RIPOR1: variants seen among roughly 807,000 people sequenced by gnomAD.
RIPOR1 encodes rho family-interacting cell polarization regulator 1.
A neutral mutation model predicts 116.5 loss-of-function variants in RIPOR1; 58 were observed. The observed-to-expected ratio is 0.50, with a 90% CI of 0.40 to 0.62. The LOEUF (loss-of-function observed/expected upper bound fraction) is 0.62, where lower values mean the gene tolerates loss of function less well. RIPOR1 is among the 20% of genes least tolerant of loss of function. The pLI is 0.00. For synonymous variants in RIPOR1, 605 were observed against 650.0 expected (o/e 0.93, Z 1.05); for missense variants, 1,372 against 1,586.2 (o/e 0.86, Z 2.29).
rs2050843792 is a variant in RIPOR1, at chr16:67,537,931, C to A, written c.-23-493C>A. The A allele has an allele frequency of 3.7e-6, 1 of 268,848 alleles. No homozygotes were observed. Among genetic ancestry groups the A allele is most frequent in the African/African-American group, 2.2e-5 (1 of 45,224 alleles). The allele number at this position is 268,848 out of a possible 1,614,324, so 16.7% of individuals were successfully genotyped here. On this transcript the variant is annotated intron_variant, in intron 1 of 21. Coordinates refer to ENST00000042381, the MANE Select transcript of RIPOR1 (RefSeq NM_024519.4). This position sits in a 1 kb window ranked among gnomAD's most constrained non-coding sequence, Gnocchi z 4.6. ...GGGCGACAAACCCGCACCGGCTGGGCCTGTCGGGCAGCTCCGCAGGGCTCC... is the reference window on the plus strand; with the variant it reads ...GGGCGACAAACCCGCACCGGCTGGGACTGTCGGGCAGCTCCGCAGGGCTCC...
In RIPOR1 at chr16:67,530,276, G is replaced by T. The variant is rs2050623169; in HGVS notation, c.-24+1362G>T. ...GAGGCCGCCTGGCTCCCAGCGCGCG[G>T]CCAGGGAATGTAACCAGCTGACCAG... On this transcript the variant is annotated intron_variant, in intron 1 of 21. Transcript: ENST00000042381. The surrounding 1 kb of genome is among the most constrained non-coding windows in gnomAD (Gnocchi z 4.5). Among the ~76,000 whole-genome samples, 1 of 152,200 alleles carries T rather than the reference G, an allele frequency of 6.6e-6. No individual in the cohort carries two copies.
In RIPOR1 at chr16:67,542,661, C is replaced by T; in HGVS notation, c.1875C>T (p.Thr625=). 1 of 1,613,406 alleles carries T rather than the reference C, an allele frequency of 6.2e-7. No homozygotes were observed. Among genetic ancestry groups the T allele is most frequent in the Non-Finnish European group, 8.5e-7 (1 of 1,179,766 alleles). The change falls in exon 13 of 22, where the codon ACC becomes ACT. Residue 625 remains threonine (T), a synonymous_variant. Transcript: ENST00000042381. The surrounding 1 kb of genome is among the most constrained non-coding windows in gnomAD (Gnocchi z 4.6). ...ATACTTCCACAAGCCCCACCCATAC[C>T]CCCACAAGTCCCACCCACAAAACCA... ...PTHTSTSPTH[T]PTSPTHKTSM...
At chr16:67,527,109 G>A (rs907530675), upstream of RIPOR1, among the ~76,000 whole-genome samples, 3 of 152,184 alleles carry the variant, frequency 2.0e-5, no homozygotes, top group African/African-American at 7.2e-5. Context: ...TGGAAGTCAT[G>A]CCCAGGTTTA....
rs1339773365 is a variant in RIPOR1, at chr16:67,543,367, G to A, written c.2498G>A (p.Arg833His). The A allele has an allele frequency of 1.7e-5, 28 of 1,603,776 alleles. No individual in the cohort carries two copies. Among genetic ancestry groups the A allele is most frequent in the Non-Finnish European group, 2.2e-5 (26 of 1,175,316 alleles). ...CCTCAGCAGAGACAAGGTCTGACTCGCAGCCGGGCCTCCAGTCTCAGCATC... is the reference window on the plus strand; with the variant it reads ...CCTCAGCAGAGACAAGGTCTGACTCACAGCCGGGCCTCCAGTCTCAGCATC... ...SLLMQRQGLT[R>H]SRASSLSITV... Residue 833 changes from arginine to histidine, a missense_variant, in exon 14 of 22, where the codon CGC becomes CAC. Around this residue, in one of 3 missense-constraint regions of RIPOR1, gnomAD observed 1,005 missense variants for 1,144.7 expected, o/e 0.88. Transcript: ENST00000042381. This position sits in a 1 kb window ranked among gnomAD's most constrained non-coding sequence, Gnocchi z 4.7.
Position 67,542,938 on chromosome 16 carries a change from G to A in RIPOR1, c.2152G>A (p.Asp718Asn). The change falls in exon 13 of 22, where the codon GAC becomes AAC. Residue 718 changes from aspartate to asparagine, a missense_variant. Physicochemically the swap from Asp to Asn is conservative, Grantham distance 23 (BLOSUM62 1). Around this residue, in one of 3 missense-constraint regions of RIPOR1, gnomAD observed 1,005 missense variants for 1,144.7 expected, o/e 0.88. Transcript: ENST00000042381. The surrounding 1 kb of genome is among the most constrained non-coding windows in gnomAD (Gnocchi z 4.6). Reference sequence around the variant, plus strand: ...AGTCTCCAATTCCTACACTCAGGCAGACCCTATGGCCCCCAGAACTCCCCA... The same window carrying A: ...AGTCTCCAATTCCTACACTCAGGCAAACCCTATGGCCCCCAGAACTCCCCA... ...PPVSNSYTQA[D>N]PMAPRTPHPS... is the part of the protein sequence containing the mutation. 6.3e-7 allele frequency: 1 copy of A among 1,596,150 alleles called. No homozygotes were observed. Among genetic ancestry groups the A allele is most frequent in the Non-Finnish European group, 8.5e-7 (1 of 1,169,886 alleles).
intron 1 of RIPOR1, among the ~76,000 whole-genome samples, chr16:67,534,599 G>A (rs2050745195): frequency 6.6e-6 from 1 of 152,196 alleles, no homozygotes; most frequent in South Asian, 2.1e-4. Context: ...GACCCTTGTG[G>A]CCTCTTCAGT....
chr16:67,539,594 G>A, intron 4 of RIPOR1, 134 bp from the exon 5 acceptor site: 7 of 1,056,906 alleles, frequency 6.6e-6, no homozygotes, highest in Non-Finnish European at 1.0e-5. Context: ...GCAGGAAGGG[G>A]CGTCAGTTGC....
In RIPOR1 at chr16:67,543,556, G is replaced by T. The variant is rs1342008324; in HGVS notation, c.2600+87G>T. The T allele has an allele frequency of 6.6e-7, 1 of 1,524,968 alleles. No homozygotes were observed. Among genetic ancestry groups the T allele is most frequent in the Non-Finnish European group, 8.8e-7 (1 of 1,137,704 alleles). The allele number at this position is 1,524,968 out of a possible 1,614,324, so 94.5% of individuals were successfully genotyped here. On this transcript the variant is annotated intron_variant, in intron 14 of 21. Transcript: ENST00000042381. The surrounding 1 kb of genome is among the most constrained non-coding windows in gnomAD (Gnocchi z 4.7). Reference sequence around the variant, plus strand: ...AGGGGAAGGTGGAACAGGTGAATTGGGAGAAAGTCAAAGGACAGGACAGGT... The same window carrying T: ...AGGGGAAGGTGGAACAGGTGAATTGTGAGAAAGTCAAAGGACAGGACAGGT...
intron 1 of RIPOR1, among the ~76,000 whole-genome samples, chr16:67,520,437 T>TAAGATAAGAGAAGAGAAGAG (rs1555524558): frequency 6.1e-4 from 89 of 145,554 alleles, no homozygotes; most frequent in Non-Finnish European, 9.6e-4. Flanking sequence ...GAAGAGAAGA[T>TAAGATAAGAGAAGAGAAGAG]AAGAGAAGAG....
chr16:67,542,651 C>G lies in RIPOR1; in HGVS notation c.1865C>G (p.Pro622Arg). Residue 622 changes from proline (P) to arginine (R), a missense_variant, in exon 13 of 22, where the codon CCC becomes CGC. Physicochemically the swap from Pro to Arg is moderately radical, Grantham distance 103 (BLOSUM62 -2). Around this residue, in one of 3 missense-constraint regions of RIPOR1, gnomAD observed 1,005 missense variants for 1,144.7 expected, o/e 0.88. Coordinates refer to ENST00000042381, the MANE Select transcript of RIPOR1 (RefSeq NM_024519.4). The surrounding 1 kb of genome is among the most constrained non-coding windows in gnomAD (Gnocchi z 4.6). Reference protein sequence around the residue: ...TASPTHTSTSPTHTPTSPTHK... With the variant: ...TASPTHTSTSRTHTPTSPTHK... The stretch of plus-strand genomic sequence containing the variant: ...AGCCCCACTCATACTTCCACAAGCC[C>G]CACCCATACCCCCACAAGTCCCACC... 1 of 1,613,644 alleles carries G rather than the reference C, an allele frequency of 6.2e-7. No homozygotes were observed. The highest frequency in any genetic ancestry group is 1.1e-5 in the South Asian group (1 of 91,060).
In RIPOR1 at chr16:67,529,919, T is replaced by C; in HGVS notation, c.-24+1005T>C. ...GGGAGAAGCGAGGATTAGATCTGAG[T>C]CCTTGCCCCTGCGACACCCACCTCC... On this transcript the variant is annotated intron_variant, in intron 1 of 21. Transcript: ENST00000042381. The surrounding 1 kb of genome is among the most constrained non-coding windows in gnomAD (Gnocchi z 4.1). 8.7e-7 allele frequency: 1 copy of C among 1,150,848 alleles called. No individual in the cohort carries two copies. The highest frequency in any genetic ancestry group is 1.3e-6 in the Non-Finnish European group (1 of 795,104). 71.3% of individuals were successfully genotyped at this position (1,150,848 alleles called of 1,614,324 possible). A position where few individuals can be genotyped will look rare whatever the true frequency, so the allele number is the denominator to read the frequency against.
In RIPOR1 at chr16:67,542,083, G is replaced by C; in HGVS notation, c.1297G>C (p.Val433Leu). The C allele has an allele frequency of 6.2e-7, 1 of 1,606,246 alleles. No homozygotes were observed. Among genetic ancestry groups the C allele is most frequent in the Non-Finnish European group, 8.5e-7 (1 of 1,173,992 alleles). The change falls in exon 13 of 22, where the codon GTG becomes CTG. Residue 433 changes from valine to leucine, a missense_variant. This residue lies in a region of RIPOR1 where 1,005 missense variants were observed against 1,144.7 expected (regional missense o/e 0.88). Transcript: ENST00000042381. The surrounding 1 kb of genome is among the most constrained non-coding windows in gnomAD (Gnocchi z 4.6). The stretch of plus-strand genomic sequence containing the variant: ...TGGGCCCTTGGATGAGGAGGGGGCC[G>C]TGGCCCCAGTCCTGGCAAATGGGCA... Reference protein sequence around the residue: ...SSGPLDEEGAVAPVLANGHAP... With the variant: ...SSGPLDEEGALAPVLANGHAP...
Position 67,530,066 on chromosome 16 carries a change from T to TGCG in RIPOR1, c.-24+1157_-24+1159dup. The TGCG allele has an allele frequency of 1.6e-6, 1 of 610,280 alleles. No homozygotes were observed. The highest frequency in any genetic ancestry group is 2.8e-5 in the East Asian group (1 of 35,594). 37.8% of individuals were successfully genotyped at this position (610,280 alleles called of 1,614,324 possible). A position where few individuals can be genotyped will look rare whatever the true frequency, so the allele number is the denominator to read the frequency against. On this transcript the variant is annotated intron_variant, in intron 1 of 21. Transcript: ENST00000042381. This position sits in a 1 kb window ranked among gnomAD's most constrained non-coding sequence, Gnocchi z 4.5. ...CCCTCTCCGGCTTGGGTCCTGTGAC[T>TGCG]GCGGCGGGAGAGAGGAGCAAGGTGA...
intron 1 of RIPOR1, among the ~76,000 whole-genome samples, chr16:67,532,829 T>C (rs1299453776): frequency 6.6e-6 from 1 of 152,216 alleles, no homozygotes; most frequent in Admixed American, 6.5e-5. Flanking sequence ...AGGACAGTTT[T>C]TGGCACTGTC....
At chr16:67,522,191 ATTT>A (rs34835336) in intron 1 of RIPOR1, among the ~76,000 whole-genome samples, 4 of 71,328 alleles carry the variant, frequency 5.6e-5, no homozygotes, top group East Asian at 4.5e-4. Flanking sequence ...CCACGCCCAG[ATTT>A]TTTTTTTTTT....
chr16:67,543,290 G>A lies in RIPOR1; in HGVS notation c.2478+26G>A. 1 of 1,604,434 alleles carries A rather than the reference G, an allele frequency of 6.2e-7. No individual in the cohort carries two copies. On this transcript the variant is annotated intron_variant, in intron 13 of 21. Coordinates refer to ENST00000042381, the MANE Select transcript of RIPOR1 (RefSeq NM_024519.4). This position sits in a 1 kb window ranked among gnomAD's most constrained non-coding sequence, Gnocchi z 4.7. ...GTGAGGAGGGCTGGGCTGGGCTAGG[G>A]CAACCAGGGAGGGCAGCCAGGGGGC... is the stretch of plus-strand genomic sequence containing the variant.
rs771993361 is a variant in RIPOR1, at chr16:67,545,919, G to A, written c.3388-30G>A. The A allele has an allele frequency of 1.4e-5, 23 of 1,613,516 alleles. No individual in the cohort carries two copies. Among genetic ancestry groups the A allele is most frequent in the Non-Finnish European group, 1.9e-5 (23 of 1,179,780 alleles). Reference sequence around the variant, plus strand: ...CTGGGGTCCTGGACTCCCACTGTCTGGCTAAGTCTGTCCTCCCACCCTTCC... The same window carrying A: ...CTGGGGTCCTGGACTCCCACTGTCTAGCTAAGTCTGTCCTCCCACCCTTCC... On this transcript the variant is annotated intron_variant, in intron 19 of 21. Coordinates refer to ENST00000042381, the MANE Select transcript of RIPOR1 (RefSeq NM_024519.4). The surrounding 1 kb of genome is among the most constrained non-coding windows in gnomAD (Gnocchi z 4.8).
chr16:67,541,615 G>A lies in RIPOR1; in HGVS notation c.950+37G>A. The A allele has an allele frequency of 6.2e-7, 1 of 1,613,978 alleles. No homozygotes were observed. Among genetic ancestry groups the A allele is most frequent in the South Asian group, 1.1e-5 (1 of 91,076 alleles). On this transcript the variant is annotated intron_variant, in intron 11 of 21. Coordinates refer to ENST00000042381, the MANE Select transcript of RIPOR1 (RefSeq NM_024519.4). The surrounding 1 kb of genome is among the most constrained non-coding windows in gnomAD (Gnocchi z 4.6). Reference sequence around the variant, plus strand: ...TGAGAGGCTTGGAGGAGGGCCAGGAGGGCTGTGGCACCTGCCAACAGCCTC... The same window carrying A: ...TGAGAGGCTTGGAGGAGGGCCAGGAAGGCTGTGGCACCTGCCAACAGCCTC...
Position 67,545,697 on chromosome 16 carries a change from A to G in RIPOR1, c.3224A>G (p.Gln1075Arg). ...GTGCGGAATCTGAACTCGGATGATC[A>G]GGCTGTTGTGCTGAAGGCCCTGAGA... ...LLVRNLNSDD[Q>R]AVVLKALRLA... is the part of the protein sequence containing the mutation. Residue 1075 changes from glutamine (Q) to arginine (R), a missense_variant, in exon 19 of 22, where the codon CAG becomes CGG. Physicochemically the swap from Gln to Arg is conservative, Grantham distance 43. Transcript: ENST00000042381. This position sits in a 1 kb window ranked among gnomAD's most constrained non-coding sequence, Gnocchi z 4.8. 6.3e-7 allele frequency: 1 copy of G among 1,578,886 alleles called. No homozygotes were observed. Among genetic ancestry groups the G allele is most frequent in the Non-Finnish European group, 8.6e-7 (1 of 1,162,376 alleles).
Sources: allele counts gnomAD v4.1 joint callset (sites outside exome capture counted in the v4.1 genomes callset), GRCh38; gene constraint gnomAD v4.1.1; regional missense constraint gnomAD v4.1.1; non-coding constraint Gnocchi (gnomAD v3.1); transcripts MANE v1.5; gene names NCBI Gene and HGNC (gene_info 2026-07-23, HGNC 2026-07-21).